Variants in MLLT6 observed in about 807,000 individuals in gnomAD.
MLLT6 encodes MLLT6, PHD finger containing, also known as protein AF-17.
A neutral mutation model predicts 103.0 loss-of-function variants in MLLT6; 22 were observed. The observed-to-expected ratio is 0.21, with a 90% CI of 0.15 to 0.31. The LOEUF (loss-of-function observed/expected upper bound fraction) is 0.31. MLLT6 is among the 10% of genes least tolerant of loss of function. The pLI is 1.00. For synonymous variants in MLLT6, 606 were observed against 623.5 expected (o/e 0.97, Z 0.42); for missense variants, 1,199 against 1,441.7 (o/e 0.83, Z 2.73).
Position 38,722,658 on chromosome 17 carries a change from A to ACC in MLLT6, c.2793-15_2793-14dup. The ACC allele has an allele frequency of 4.8e-6, 1 of 209,666 alleles. No homozygotes were observed. The highest frequency in any genetic ancestry group is 8.6e-6 in the Non-Finnish European group (1 of 116,316). 13.0% of individuals were successfully genotyped at this position (209,666 alleles called of 1,614,324 possible). ...ATGGTCTGTGTGTTGTCCCCCCCCC[A>ACC]CCCCCCACCCCCACCTCAGCCTTAC... On this transcript the variant is annotated intron_variant, in intron 17 of 19. Coordinates refer to ENST00000621332, the MANE Select transcript of MLLT6 (RefSeq NM_005937.4).
Position 38,709,832 on chromosome 17 carries a change from G to A in MLLT6, c.552+257G>A, listed in dbSNP as rs1013630592. Among the ~76,000 whole-genome samples, 6 of 152,266 alleles carry A rather than the reference G, an allele frequency of 3.9e-5. No homozygotes were observed. Among genetic ancestry groups the A allele is most frequent in the Admixed American group, 2.0e-4 (3 of 15,286 alleles). On this transcript the variant is annotated intron_variant, in intron 6 of 19. Coordinates refer to ENST00000621332, the MANE Select transcript of MLLT6 (RefSeq NM_005937.4). The surrounding 1 kb of genome is among the most constrained non-coding windows in gnomAD (Gnocchi z 4.3). ...CTGTCAGAGTCTAGGAGGCTTCAAG[G>A]AAGAGGTAGCATTTAAGCTGAGTGG...
rs1814639168 is a variant in MLLT6 at position 38,707,764 on chromosome 17, C to G, written c.246C>G (p.Gly82=). The G allele has an allele frequency of 6.3e-7, 1 of 1,589,760 alleles. No homozygotes were observed. The highest frequency in any genetic ancestry group is 8.6e-7 in the Non-Finnish European group (1 of 1,158,238). The change falls in exon 4 of 20, where the codon GGC becomes GGG. Residue 82 remains glycine, a splice_region_variant and synonymous_variant. Transcript: ENST00000621332. The part of the protein sequence containing the change: ...DGALKRTDNG[G]WAHVVCALYI... The stretch of plus-strand genomic sequence containing the variant: ...GAGGCTACCCCCACACTGCCCCAGG[C>G]TGGGCACACGTGGTGTGTGCCCTCT...
In MLLT6 at chr17:38,722,648, TCCCCCCCCCACCC is replaced by T; in HGVS notation, c.2793-26_2793-14del. 2 of 441,544 alleles carry T rather than the reference TCCCCCCCCCACCC, an allele frequency of 4.5e-6. No homozygotes were observed. The highest frequency in any genetic ancestry group is 8.3e-6 in the Non-Finnish European group (2 of 241,058). The allele number at this position is 441,544 out of a possible 1,614,324, so 27.4% of individuals were successfully genotyped here. On this transcript the variant is annotated splice_polypyrimidine_tract_variant and intron_variant, in intron 17 of 19. Transcript: ENST00000621332. ...GCCCTCCCCCATGGTCTGTGTGTTG[TCCCCCCCCCACCC>T]CCCACCCCCACCTCAGCCTTACAGA...
In MLLT6 at chr17:38,725,907, G is replaced by A. The variant is rs962997432; in HGVS notation, c.*309G>A. 9.7e-6 allele frequency: 4 copies of A among 412,304 alleles called. No homozygotes were observed. The highest frequency in any genetic ancestry group is 4.5e-5 in the Admixed American group (1 of 22,316). The allele number at this position is 412,304 out of a possible 1,614,324, so 25.5% of individuals were successfully genotyped here. A position where few individuals can be genotyped will look rare whatever the true frequency, so the allele number is the denominator to read the frequency against. On this transcript the variant is annotated 3_prime_UTR_variant, in exon 20 of 20. Transcript: ENST00000621332. ...TGGAGGTCCCCCCAGAGAGCAGAGT[G>A]GGCCATGGCAGAAGTAGGGGGTTGG... is the stretch of plus-strand genomic sequence containing the variant.
rs1430749808 is a variant in MLLT6, at chr17:38,709,317, C to T, written c.458+41C>T. ...CACCCCCCTGCCCCCCGGGTTTGTC[C>T]TGGATGGCCACTGATCAGGCTCATC... On this transcript the variant is annotated intron_variant, in intron 5 of 19. Transcript: ENST00000621332. The surrounding 1 kb of genome is among the most constrained non-coding windows in gnomAD (Gnocchi z 4.3). The T allele has an allele frequency of 1.9e-6, 3 of 1,539,224 alleles. No homozygotes were observed. The highest frequency in any genetic ancestry group is 2.2e-5 in the South Asian group (2 of 89,512).
chr17:38,724,094 TA>T lies in MLLT6; in HGVS notation c.2884-521del, dbSNP rs577397706. ...AGTTTTGGCGAAACCCCGTCTCTAC[TA>T]AAAATACAAAAATTAGCCGGATGTG... On this transcript the variant is annotated intron_variant, in intron 18 of 19. Transcript: ENST00000621332. The surrounding 1 kb of genome is among the most constrained non-coding windows in gnomAD (Gnocchi z 5.4). Among the ~76,000 whole-genome samples the T allele has an allele frequency of 3.2e-4, 49 of 151,822 alleles. No homozygotes were observed. In the East Asian group the frequency reaches 8.8e-3, roughly 27 times the overall value.
chr17:38,726,321 G>A lies in MLLT6; in HGVS notation c.*723G>A. On this transcript the variant is annotated 3_prime_UTR_variant, in exon 20 of 20. Coordinates refer to ENST00000621332, the MANE Select transcript of MLLT6 (RefSeq NM_005937.4). The stretch of plus-strand genomic sequence containing the variant: ...ACTATTGGACTTAGGAGTGCCGAGG[G>A]TGGGGAGATGGAGCTGCCCGTCTCA... 4.3e-6 allele frequency: 1 copy of A among 234,484 alleles called. No individual in the cohort carries two copies. Among genetic ancestry groups the A allele is most frequent in the African/African-American group, 2.2e-5 (1 of 45,448 alleles). The allele number at this position is 234,484 out of a possible 1,614,324, so 14.5% of individuals were successfully genotyped here. A position where few individuals can be genotyped will look rare whatever the true frequency, so the allele number is the denominator to read the frequency against.
chr17:38,728,493 C>A lies in MLLT6; in HGVS notation c.*2895C>A, dbSNP rs1329584448. On this transcript the variant is annotated 3_prime_UTR_variant, in exon 20 of 20. Coordinates refer to ENST00000621332, the MANE Select transcript of MLLT6 (RefSeq NM_005937.4). ...CAGTGAGGAGGTGTGAGTGGGTGAG[C>A]ATGTGGAGTTGGGTGTTCCCACCCT... 8.6e-6 allele frequency: 2 copies of A among 233,294 alleles called. No homozygotes were observed. Among genetic ancestry groups the A allele is most frequent in the African/African-American group, 2.2e-5 (1 of 45,294 alleles). The allele number at this position is 233,294 out of a possible 1,614,324, so 14.5% of individuals were successfully genotyped here. A position where few individuals can be genotyped will look rare whatever the true frequency, so the allele number is the denominator to read the frequency against.
chr17:38,723,194 G>C (rs1308655376), intron 18 of MLLT6, among the ~76,000 whole-genome samples: 3 of 152,156 alleles, frequency 2.0e-5, no homozygotes, highest in Admixed American at 2.0e-4. Context: ...GAGAAAAGGA[G>C]TTTTACTTTT....
rs935741727 is a variant in MLLT6, at chr17:38,720,358, C to T, written c.2156-14C>T. On this transcript the variant is annotated splice_polypyrimidine_tract_variant and intron_variant, in intron 14 of 19. Coordinates refer to ENST00000621332, the MANE Select transcript of MLLT6 (RefSeq NM_005937.4). ...CCCCTCGCCCCTCCCTCAGGTTCCT[C>T]GCTCTCTCCGCAGTCGTGGAGATGC... 6 of 1,446,176 alleles carry T rather than the reference C, an allele frequency of 4.1e-6. No individual in the cohort carries two copies. Among genetic ancestry groups the T allele is most frequent in the Non-Finnish European group, 5.6e-6 (6 of 1,077,566 alleles). 89.6% of individuals were successfully genotyped at this position (1,446,176 alleles called of 1,614,324 possible). A position where few individuals can be genotyped will look rare whatever the true frequency, so the allele number is the denominator to read the frequency against.
In MLLT6 at chr17:38,725,775, GC is replaced by G. The variant is rs1905994753; in HGVS notation, c.*182del. ...GTCGAGGACTGAGACTGAGAGGGGA[GC>G]CCCCTCCATCTGGCCCCCTTCCCTT... is the stretch of plus-strand genomic sequence containing the variant. On this transcript the variant is annotated 3_prime_UTR_variant, in exon 20 of 20. Transcript: ENST00000621332. The G allele has an allele frequency of 7.1e-6, 4 of 563,040 alleles. No homozygotes were observed. Among genetic ancestry groups the G allele is most frequent in the South Asian group, 2.5e-5 (1 of 40,332 alleles). 34.9% of individuals were successfully genotyped at this position (563,040 alleles called of 1,614,324 possible).
rs1906211720 is a variant in MLLT6 at position 38,729,586 on chromosome 17, T to C, written c.*3988T>C. On this transcript the variant is annotated 3_prime_UTR_variant, in exon 20 of 20. Transcript: ENST00000621332. ...GGGAGCAGGGAGGGGAAGCCACAGA[T>C]TGCAAACCCAGGGGCTCCTTTTTCA... The C allele has an allele frequency of 8.6e-6, 2 of 232,154 alleles. No homozygotes were observed. Among genetic ancestry groups the C allele is most frequent in the South Asian group, 3.6e-4 (2 of 5,516 alleles). The allele number at this position is 232,154 out of a possible 1,614,324, so 14.4% of individuals were successfully genotyped here. A position where few individuals can be genotyped will look rare whatever the true frequency, so the allele number is the denominator to read the frequency against.
At chr17:38,707,613 T>C (rs1904986494) in intron 3 of MLLT6, 73 bp downstream of exon 3, 2 of 1,510,452 alleles carry the variant, frequency 1.3e-6, no homozygotes, top group Non-Finnish European at 1.8e-6. Context: ...ATGGACTGAG[T>C]TGGGGTGGAG....
intron 6 of MLLT6, among the ~76,000 whole-genome samples, chr17:38,710,905 A>G (rs1254784788): frequency 2.0e-5 from 3 of 152,196 alleles, no homozygotes; most frequent in Non-Finnish European, 4.4e-5. Context: ...AGGAGACACC[A>G]TGTGGAGACA....
intron 13 of MLLT6, 44 bp downstream of exon 13, chr17:38,719,627 G>GAC (rs1905567746): frequency 6.3e-7 from 1 of 1,577,972 alleles, no homozygotes; most frequent in African/African-American, 1.3e-5. Context: ...GGGCAGGAGG[G>GAC]ACACCCGAGG....
Position 38,707,995 on chromosome 17 carries a change from G to T in MLLT6, c.354+123G>T, listed in dbSNP as rs1353280038. On this transcript the variant is annotated intron_variant, in intron 4 of 19. Coordinates refer to ENST00000621332, the MANE Select transcript of MLLT6 (RefSeq NM_005937.4). ...GCACTGAAAGGGAACTTGGGAGGTG[G>T]GTAGGTACCTACCAGTGAACCACCC... 3 of 687,726 alleles carry T rather than the reference G, an allele frequency of 4.4e-6. No individual in the cohort carries two copies. The Admixed American group carries it at 6.9e-5, about 16-fold the overall frequency. The allele number at this position is 687,726 out of a possible 1,614,324, so 42.6% of individuals were successfully genotyped here.
intron 10 of MLLT6, among the ~76,000 whole-genome samples, 198 bp from the exon 11 acceptor site, chr17:38,717,234 G>A (rs1045995216): frequency 2.0e-5 from 3 of 152,142 alleles, no homozygotes; most frequent in Non-Finnish European, 4.4e-5. Context: ...CCCTCGGCAG[G>A]GCAGTTTAAC....
At chr17:38,714,753 T>G (rs1332055410) in intron 8 of MLLT6, 1 of 152,194 alleles carries the variant, frequency 6.6e-6, no homozygotes, top group East Asian at 1.9e-4. Flanking sequence ...CAAAAATAAA[T>G]TAAGAAAAAA....
Position 38,705,488 on chromosome 17 carries a change from G to A in MLLT6, c.-145G>A, listed in dbSNP as rs970060548. 6 of 476,842 alleles carry A rather than the reference G, an allele frequency of 1.3e-5. No homozygotes were observed. Among genetic ancestry groups the A allele is most frequent in the Middle Eastern group, 5.8e-4 (1 of 1,720 alleles). 29.5% of individuals were successfully genotyped at this position (476,842 alleles called of 1,614,324 possible). ...GAGGACGCGGAGGAGGAGGAAGGAGGAGGCAAAGAAAAGAAGCGGCGGCGG... is the reference window on the plus strand; with the variant it reads ...GAGGACGCGGAGGAGGAGGAAGGAGAAGGCAAAGAAAAGAAGCGGCGGCGG... On this transcript the variant is annotated 5_prime_UTR_variant, in exon 1 of 20. Transcript: ENST00000621332.
Sources: allele counts gnomAD v4.1 joint callset (sites outside exome capture counted in the v4.1 genomes callset), GRCh38; gene constraint gnomAD v4.1.1; non-coding constraint Gnocchi (gnomAD v3.1); transcripts MANE v1.5; gene names NCBI Gene and HGNC (gene_info 2026-07-23, HGNC 2026-07-21).